Variants in TARM1 observed in about 807,000 individuals in gnomAD.
TARM1 encodes the protein T cell-interacting, activating receptor on myeloid cells 1, also known as T-cell-interacting, activating receptor on myeloid cells protein 1.
Under a neutral mutation model 30.4 loss-of-function variants are expected in TARM1, and 24 were observed. The ratio of observed to expected loss-of-function variants is 0.79; its 90% CI spans 0.57 to 1.11. TARM1 has a LOEUF of 1.11. Among genes scored for constraint, TARM1 ranks in the 50% least tolerant of loss-of-function variants. The probability of loss-of-function intolerance (pLI) is 0.00; values close to 1 mark genes in which losing one functional copy is unlikely to be tolerated. For missense variants in TARM1, 323 were observed against 332.8 expected (o/e 0.97, Z 0.23); for synonymous variants, 129 against 138.9 (o/e 0.93, Z 0.50).
In TARM1 at chr19:54,075,871, A is replaced by G. The variant is rs1568505807; in HGVS notation, c.70+12T>C. 1 of 1,551,276 alleles carries G rather than the reference A, an allele frequency of 6.4e-7. No individual in the cohort carries two copies. On this transcript the variant is annotated intron_variant, in intron 2 of 4. Coordinates refer to ENST00000432826, the MANE Select transcript of TARM1 (RefSeq NM_001135686.3). ...GACAGGCCAAGGAGGGTGTAGTTGA[A>G]GAAACACTCACCATCTCCCCTTGTG...
rs587675477 is a variant in TARM1, at chr19:54,073,751, C to A, written c.658+169G>T. On this transcript the variant is annotated intron_variant, in intron 4 of 4. Transcript: ENST00000432826. ...CAGATGATCCATCCACCTCGGCCTC[C>A]CAAAGTGCTGGGATGACAGGCATGA... is the stretch of plus-strand genomic sequence containing the variant. 2.6e-5 allele frequency among the ~76,000 whole-genome samples: 4 copies of A among 152,138 alleles called. No individual in the cohort carries two copies. In the East Asian group the frequency reaches 7.8e-4, roughly 30 times the overall value.
At chr19:54,075,775 G>T in intron 2 of TARM1, 108 bp downstream of exon 2, 3 of 1,300,940 alleles carry the variant, frequency 2.3e-6, no homozygotes, top group Non-Finnish European at 3.2e-6. Flanking sequence ...CCTGGCGAAA[G>T]AGTGAGACTC....
chr19:54,081,149 G>A (rs587762055), intron 1 of TARM1, among the ~76,000 whole-genome samples, 158 bp downstream of exon 1: 7 of 152,076 alleles, frequency 4.6e-5, no homozygotes, highest in African/African-American at 1.2e-4. Context: ...CAGAGCACTC[G>A]TTTCCAGGGA....
Position 54,075,041 on chromosome 19 carries a change from T to C in TARM1, c.144A>G (p.Arg48=). 2 of 1,551,444 alleles carry C rather than the reference T, an allele frequency of 1.3e-6. No homozygotes were observed. The highest frequency in any genetic ancestry group is 1.7e-6 in the Non-Finnish European group (2 of 1,146,944). Residue 48 remains arginine, a synonymous_variant, in exon 3 of 5, where the codon CGA becomes CGG. Coordinates refer to ENST00000432826, the MANE Select transcript of TARM1 (RefSeq NM_001135686.3). ...VVPANSNVTL[R]CWTPARGVSF... Reference sequence around the variant, plus strand: ...TCACACCTCTGGCAGGAGTCCAACATCGCAGCGTCACATTGCTGTTGGCAG... The same window carrying C: ...TCACACCTCTGGCAGGAGTCCAACACCGCAGCGTCACATTGCTGTTGGCAG...
intron 3 of TARM1, 38 bp downstream of exon 3, chr19:54,074,784 CCT>C (rs1568504216): frequency 2.0e-6 from 3 of 1,536,666 alleles, no homozygotes; most frequent in Non-Finnish European, 2.6e-6. Context: ...TCCCTCATCC[CCT>C]GTCCCCCGTA....
chr19:54,071,920 C>T (rs2071822463), intron 4 of TARM1, among the ~76,000 whole-genome samples: 1 of 151,878 alleles, frequency 6.6e-6, no homozygotes, highest in African/African-American at 2.4e-5. Context: ...TGGCCAGGTG[C>T]AGTGGCTCAT....
At chr19:54,076,158 G>A in intron 1 of TARM1, 3 of 1,491,892 alleles carry the variant, frequency 2.0e-6, no homozygotes, top group Non-Finnish European at 2.7e-6. Context: ...CCCTGCTCCA[G>A]GCCTTTCCCA....
rs2071885918 is a variant in TARM1 at position 54,074,186 on chromosome 19, T to G, written c.392A>C (p.Tyr131Ser). The change falls in exon 4 of 5, where the codon TAC (tyrosine) becomes TCC (serine). Residue 131 changes from tyrosine (Y) to serine (S), a missense_variant. Transcript: ENST00000432826. ...ACCTGCGGTCACTGTACCCCTTTGGTAGGTTCGGAGGAAAGGTTTAGATAA... is the reference window on the plus strand; with the variant it reads ...ACCTGCGGTCACTGTACCCCTTTGGGAGGTTCGGAGGAAAGGTTTAGATAA... Reference protein sequence around the residue: ...GHLSKPFLRTYQRGTVTAGGR... With the variant: ...GHLSKPFLRTSQRGTVTAGGR... 6.4e-7 allele frequency: 1 copy of G among 1,551,460 alleles called. No homozygotes were observed. The highest frequency in any genetic ancestry group is 8.7e-7 in the Non-Finnish European group (1 of 1,146,968).
At position 54,073,163 on chromosome 19, in the gene TARM1, CTT is replaced by C. The variant is rs371208601; in HGVS notation, c.658+755_658+756del. Reference sequence around the variant, plus strand: ...GTGGCTCACACCTGTAATCCCAGCACTTTGGGAGGCCGAGGCAGGCAGATCAC... The same window carrying C: ...GTGGCTCACACCTGTAATCCCAGCACTGGGAGGCCGAGGCAGGCAGATCAC... On this transcript the variant is annotated intron_variant, in intron 4 of 4. Coordinates refer to ENST00000432826, the MANE Select transcript of TARM1 (RefSeq NM_001135686.3). Among the ~76,000 whole-genome samples, 117 of 151,780 alleles carry C rather than the reference CTT, an allele frequency of 7.7e-4. 1 individual carries two copies. Among genetic ancestry groups the C allele is most frequent in the African/African-American group, 2.6e-3 (108 of 41,408 alleles).
chr19:54,071,022 G>A (rs2071797741), intron 4 of TARM1, among the ~76,000 whole-genome samples: 2 of 151,618 alleles, frequency 1.3e-5, no homozygotes, highest in African/African-American at 4.9e-5. Context: ...CAGCGACGCA[G>A]TCTCGGTTCA....
In TARM1 at chr19:54,080,205, G is replaced by A. The variant is rs188937148; in HGVS notation, c.34+1102C>T. ...CAAGCAAGCAAGCAGGCAAGCAAGC[G>A]GGGGCTCACGCCTGTAATCCCAGCA... On this transcript the variant is annotated intron_variant, in intron 1 of 4. Transcript: ENST00000432826. Among the ~76,000 whole-genome samples the A allele has an allele frequency of 8.5e-4, 121 of 142,660 alleles. 6 individuals carry two copies. The highest frequency in any genetic ancestry group is 6.3e-3 in the Admixed American group (89 of 14,084). 93.6% of individuals were successfully genotyped at this position (142,660 alleles called of 152,430 possible). A position where few individuals can be genotyped will look rare whatever the true frequency, so the allele number is the denominator to read the frequency against.
rs1477168514 is a variant in TARM1 at position 54,073,959 on chromosome 19, C to T, written c.619G>A (p.Ala207Thr). The T allele has an allele frequency of 6.4e-6, 10 of 1,551,690 alleles. No individual in the cohort carries two copies. The highest frequency in any genetic ancestry group is 1.7e-4 in the Middle Eastern group (1 of 5,992). ...MYYQTKSPFW[A>T]SEPSDQLEIL... ...TCAAGCTGATCACTGGGTTCTGAGG[C>T]CCAGAAGGGAGACTTTGTCTGGTAG... The change falls in exon 4 of 5, where the codon GCC becomes ACC. Residue 207 changes from alanine (A) to threonine (T), a missense_variant. By Grantham distance (58) the Ala-to-Thr change is moderately conservative. Coordinates refer to ENST00000432826, the MANE Select transcript of TARM1 (RefSeq NM_001135686.3).
In TARM1 at chr19:54,073,922, G is replaced by A. The variant is rs2071874216; in HGVS notation, c.656C>T (p.Thr219Ile). The A allele has an allele frequency of 6.4e-7, 1 of 1,551,100 alleles. No homozygotes were observed. Among genetic ancestry groups the A allele is most frequent in the East Asian group, 2.4e-5 (1 of 40,898 alleles). The part of the protein sequence containing the change: ...EPSDQLEILV[T>I]VPPGTTSSNY... ...CTCAAAACCATACACGCCCTTACCT[G>A]TCACCAATATCTCAAGCTGATCACT... Residue 219 changes from threonine (T) to isoleucine (I), a missense_variant and splice_region_variant, in exon 4 of 5, where the codon ACA (threonine) becomes ATA (isoleucine). Physicochemically the swap from Thr to Ile is moderately conservative, Grantham distance 89. Coordinates refer to ENST00000432826, the MANE Select transcript of TARM1 (RefSeq NM_001135686.3).
Position 54,070,095 on chromosome 19 carries a change from C to T in TARM1, c.724G>A (p.Val242Ile), listed in dbSNP as rs768703108. The T allele has an allele frequency of 1.3e-5, 20 of 1,551,490 alleles. No individual in the cohort carries two copies. In the African/African-American group the frequency reaches 1.4e-4, roughly 11 times the overall value. ...AAAGCTCCCATGATAACCACAATTA[C>T]GGCAGCCAGACCCAGTCGTACGAAG... is the stretch of plus-strand genomic sequence containing the variant. ...GNFVRLGLAA[V>I]IVVIMGAFLV... is the part of the protein sequence containing the mutation. The change falls in exon 5 of 5, where the codon GTA (valine) becomes ATA (isoleucine). Residue 242 changes from valine to isoleucine, a missense_variant. Transcript: ENST00000432826.
At chr19:54,080,358 T>A (rs587697209) in intron 1 of TARM1, among the ~76,000 whole-genome samples, 1 of 148,368 alleles carries the variant, frequency 6.7e-6, no homozygotes, top group Non-Finnish European at 1.5e-5. Context: ...CTCGGGAGGC[T>A]GAGGCAGGAG....
At chr19:54,080,097 AAGGAAGGAAGGAAGG>A (rs2072065896) in intron 1 of TARM1, among the ~76,000 whole-genome samples, 1,247 of 32,580 alleles carry the variant, frequency 0.038, 177 homozygotes, top group African/African-American at 0.087. Flanking sequence ...GAAAGAAAGG[AAGGAAGGAAGGAAGG>A]AAGGAAGGAA....
chr19:54,071,155 G>A (rs1021041952), intron 4 of TARM1, among the ~76,000 whole-genome samples: 2 of 151,722 alleles, frequency 1.3e-5, no homozygotes, highest in Non-Finnish European at 2.9e-5. Flanking sequence ...ATGGGTTTTC[G>A]CCATGTTGGC....
chr19:54,078,812 A>G (rs2072024792), intron 1 of TARM1, among the ~76,000 whole-genome samples: 1 of 152,030 alleles, frequency 6.6e-6, no homozygotes, highest in South Asian at 2.1e-4. Flanking sequence ...CTACAGTGGG[A>G]TTTTAGCCAT....
chr19:54,079,735 C>T (rs1043116366), intron 1 of TARM1, among the ~76,000 whole-genome samples: 2 of 152,146 alleles, frequency 1.3e-5, no homozygotes, highest in East Asian at 3.9e-4. Flanking sequence ...CGCCTGTAAT[C>T]CCAGCACTTT....
Sources: allele counts gnomAD v4.1 joint callset (sites outside exome capture counted in the v4.1 genomes callset), GRCh38; gene constraint gnomAD v4.1.1; transcripts MANE v1.5; gene names NCBI Gene and HGNC (gene_info 2026-07-23, HGNC 2026-07-21).